The following FTO variants were observed in gnomAD, a reference collection of about 807,000 sequenced individuals.
FTO encodes the protein FTO alpha-ketoglutarate dependent dioxygenase.
A neutral mutation model predicts 63.9 loss-of-function variants in FTO; 47 were observed. That is an observed-to-expected ratio of 0.74 (90% confidence interval 0.58 to 0.94). The LOEUF is 0.94. Ranked by LOEUF, FTO falls within the 40% of genes least tolerant of loss-of-function variation. The probability of loss-of-function intolerance (pLI) is 0.00; values close to 1 mark genes in which losing one functional copy is unlikely to be tolerated. For synonymous variants in FTO, 207 were observed against 224.4 expected, an observed-to-expected ratio of 0.92 and a Z score of 0.69; for missense variants, 562 against 618.1, an observed-to-expected ratio of 0.91 and a Z score of 0.96.
chr16:53,950,160 A>ACAAAAAAAAAAC (rs2082745479), intron 8 of FTO, among the ~76,000 whole-genome samples: 2 of 115,620 alleles, frequency 1.7e-5, no homozygotes, highest in Non-Finnish European at 3.8e-5. Context: ...ATTTGTAAAA[A>ACAAAAAAAAAAC]AAAAAAAAAA....
chr16:53,813,606 G>T (rs547290370), intron 2 of FTO, among the ~76,000 whole-genome samples: 2 of 152,240 alleles, frequency 1.3e-5, no homozygotes, highest in South Asian at 4.1e-4. Flanking sequence ...ACTTTTTAAT[G>T]ACATGAGTAA....
chr16:53,963,099 A>G (rs1212180002), intron 8 of FTO, among the ~76,000 whole-genome samples: 1 of 152,224 alleles, frequency 6.6e-6, no homozygotes, highest in Admixed American at 6.5e-5. Context: ...ACAGGCAAAC[A>G]TTAACTTGTT....
chr16:54,026,532 C>T (rs981751245), intron 8 of FTO, among the ~76,000 whole-genome samples: 2 of 152,162 alleles, frequency 1.3e-5, no homozygotes, highest in East Asian at 3.9e-4. Flanking sequence ...CAGCTGGGTA[C>T]ATTGCTGCTC....
chr16:53,982,201 G>A (rs1458182396), intron 8 of FTO, among the ~76,000 whole-genome samples: 2 of 152,194 alleles, frequency 1.3e-5, no homozygotes, highest in African/African-American at 4.8e-5. Context: ...AGAAGGAGGT[G>A]TTCTAAGTTC....
intron 7 of FTO, among the ~76,000 whole-genome samples, chr16:53,907,678 A>G (rs1030197809): frequency 1.3e-5 from 2 of 152,088 alleles, no homozygotes; most frequent in Non-Finnish European, 1.5e-5. Flanking sequence ...CACTCCCTGT[A>G]TTCCTACCAC....
intron 6 of FTO, among the ~76,000 whole-genome samples, chr16:53,888,115 T>C (rs965642011): frequency 6.6e-6 from 1 of 152,102 alleles, no homozygotes; most frequent in Admixed American, 6.6e-5. Flanking sequence ...GACTTATAGT[T>C]TCCTCACATC....
intron 4 of FTO, among the ~76,000 whole-genome samples, chr16:53,851,361 A>G (rs1211347589): frequency 2.6e-5 from 4 of 150,966 alleles, no homozygotes; most frequent in Non-Finnish European, 3.0e-5. Flanking sequence ...CGGGAGGCTG[A>G]GGCATGATAA....
chr16:53,795,423 C>T (rs2078035007), intron 1 of FTO, among the ~76,000 whole-genome samples: 1 of 151,962 alleles, frequency 6.6e-6, no homozygotes, highest in Admixed American at 6.6e-5. Flanking sequence ...ACTACAGGCA[C>T]ATGACACCAG....
chr16:53,963,644 T>C (rs2083132289), intron 8 of FTO, among the ~76,000 whole-genome samples: 1 of 152,208 alleles, frequency 6.6e-6, no homozygotes, highest in Non-Finnish European at 1.5e-5. Context: ...GTGACGTGCC[T>C]GCTTCCCCTT....
intron 8 of FTO, among the ~76,000 whole-genome samples, chr16:53,982,264 A>G (rs1419199114): frequency 4.6e-5 from 7 of 152,176 alleles, no homozygotes; most frequent in African/African-American, 1.2e-4. Context: ...ACAATAGGGC[A>G]TGGTATACCT....
At chr16:53,786,892 A>T (rs1020718430) in intron 1 of FTO, among the ~76,000 whole-genome samples, 1 of 151,868 alleles carries the variant, frequency 6.6e-6, no homozygotes, top group African/African-American at 2.4e-5. Context: ...CGGGCAGATC[A>T]TGAGGTCAAT....
intron 8 of FTO, among the ~76,000 whole-genome samples, chr16:54,080,866 T>G (rs1363142109): frequency 2.1e-4 from 32 of 152,202 alleles, no homozygotes; most frequent in Admixed American, 2.1e-3. Context: ...ATGCATTGCT[T>G]GCTTAATAGA....
rs1021175249 is a variant in FTO, at chr16:53,905,712, C to G, written c.1239+16761C>G. On this transcript the variant is annotated intron_variant, in intron 7 of 8. Transcript: ENST00000471389. The stretch of plus-strand genomic sequence containing the variant: ...TATGTTTTATGTGTTCACCTATTAC[C>G]TGTGCTATTCTATAAGCACCTTGAG... Among the ~76,000 whole-genome samples, 5 of 152,178 alleles carry G rather than the reference C, an allele frequency of 3.3e-5. No homozygotes were observed. The East Asian group carries it at 5.8e-4, about 18-fold the overall frequency.
intron 4 of FTO, among the ~76,000 whole-genome samples, chr16:53,862,271 AACC>A (rs2080195078): frequency 6.6e-6 from 1 of 152,014 alleles, no homozygotes; most frequent in Admixed American, 6.6e-5. Context: ...CAAACAAAAA[AACC>A]ACCACCAACA....
chr16:54,110,571 C>T (rs995859868), intron 8 of FTO, among the ~76,000 whole-genome samples: 5 of 152,218 alleles, frequency 3.3e-5, no homozygotes, highest in African/African-American at 1.2e-4. Flanking sequence ...GGGATCCCCT[C>T]ACCATTAATA....
chr16:53,780,645 C>T (rs908798499), intron 1 of FTO, among the ~76,000 whole-genome samples: 3 of 152,094 alleles, frequency 2.0e-5, no homozygotes, highest in African/African-American at 7.2e-5. Flanking sequence ...GCTAGGATTA[C>T]AGGCAGGAGC....
chr16:53,821,854 A>G (rs1208065799), intron 2 of FTO, among the ~76,000 whole-genome samples: 1 of 152,186 alleles, frequency 6.6e-6, no homozygotes, highest in South Asian at 2.1e-4. Context: ...GCTCCACACA[A>G]TAATATTTCT....
intron 7 of FTO, among the ~76,000 whole-genome samples, chr16:53,925,347 G>T (rs574411131): frequency 1.3e-5 from 2 of 152,002 alleles, no homozygotes; most frequent in Non-Finnish European, 1.5e-5. Context: ...CATTTTTCCC[G>T]TAATGACAGT....
intron 8 of FTO, among the ~76,000 whole-genome samples, chr16:54,108,057 G>C (rs1567576054): frequency 6.6e-6 from 1 of 152,304 alleles, no homozygotes; most frequent in East Asian, 1.9e-4. Flanking sequence ...CCCACATCAA[G>C]TCATGAAGCA....
Sources: gnomAD v4.1 joint callset for allele counts (sites outside exome capture counted in the v4.1 genomes callset) on GRCh38, gnomAD v4.1.1 for gene constraint, MANE v1.5 for transcripts, NCBI Gene and HGNC (gene_info 2026-07-23, HGNC 2026-07-21) for gene names.